The following KNOP1 variants were observed in gnomAD, a reference collection of about 807,000 sequenced individuals.
KNOP1 encodes the protein lysine rich nucleolar protein 1, also known as lysine-rich nucleolar protein 1.
A neutral mutation model predicts 30.6 loss-of-function variants in KNOP1; 20 were observed. The ratio of observed to expected loss-of-function variants is 0.65; its 90% CI spans 0.46 to 0.95. KNOP1 has a LOEUF of 0.95. Ranked by LOEUF, KNOP1 falls within the 40% of genes least tolerant of loss-of-function variation. The pLI, the probability that KNOP1 is intolerant of heterozygous loss-of-function variation, is 0.00. For missense variants in KNOP1, 540 were observed against 562.0 expected, an observed-to-expected ratio of 0.96 and a Z score of 0.40; for synonymous variants, 204 against 210.0, an observed-to-expected ratio of 0.97 and a Z score of 0.25.
rs1333288253 is a variant in KNOP1, at chr16:19,715,014, CT to C, written c.21del (p.Val8Ter). 5 of 1,571,666 alleles carry C rather than the reference CT, an allele frequency of 3.2e-6. No homozygotes were observed. Among genetic ancestry groups the C allele is most frequent in the Non-Finnish European group, 4.3e-6 (5 of 1,164,712 alleles). MITKTH[K>X]VDLGLPEKKK... is the part of the protein sequence containing the mutation. ...TTCTTCTCTGGGAGCCCAAGGTCTA[CT>C]TTGTGTGTCTTGGTGATCATTCCTG... On this transcript the variant is annotated frameshift_variant, in exon 2 of 5. Transcript: ENST00000219837. LOFTEE classifies it high-confidence loss of function.
rs1976256518 is a variant in KNOP1 at position 19,703,817 on chromosome 16, T to C, written c.*3093A>G. The C allele has an allele frequency of 6.6e-6, 1 of 152,172 alleles. No individual in the cohort carries two copies. Among genetic ancestry groups the C allele is most frequent in the Admixed American group, 6.5e-5 (1 of 15,276 alleles). The allele number at this position is 152,172 out of a possible 1,614,324, so 9.4% of individuals were successfully genotyped here. A position where few individuals can be genotyped will look rare whatever the true frequency, so the allele number is the denominator to read the frequency against. On this transcript the variant is annotated 3_prime_UTR_variant, in exon 5 of 5. Coordinates refer to ENST00000219837, the MANE Select transcript of KNOP1 (RefSeq NM_001012991.3). ...AGTCCATTCTGAAGACACCCAGCAT[T>C]GTGGTGTCTTGGCTGCCCAACCTCC... is the stretch of plus-strand genomic sequence containing the variant.
At position 19,715,057 on chromosome 16, in the gene KNOP1, A is replaced by G. The variant is rs375762051; in HGVS notation, c.-2-20T>C. ...TCATTCCTGAAAAAACAAATGGTAC[A>G]AGTTATCCCATACCAAGCCATCCTG... On this transcript the variant is annotated intron_variant, in intron 1 of 4. Transcript: ENST00000219837. The G allele has an allele frequency of 1.7e-5, 25 of 1,512,546 alleles. No homozygotes were observed. Among genetic ancestry groups the G allele is most frequent in the Middle Eastern group, 1.8e-4 (1 of 5,666 alleles). 93.7% of individuals were successfully genotyped at this position (1,512,546 alleles called of 1,614,324 possible). A position where few individuals can be genotyped will look rare whatever the true frequency, so the allele number is the denominator to read the frequency against.
intron 4 of KNOP1, among the ~76,000 whole-genome samples, chr16:19,709,692 C>G (rs145886273): frequency 6.7e-6 from 1 of 149,752 alleles, no homozygotes; most frequent in Non-Finnish European, 1.5e-5. Flanking sequence ...CTCACTGAAA[C>G]GCTCTTCCCC....
At position 19,706,797 on chromosome 16, in the gene KNOP1, G is replaced by A; in HGVS notation, c.*113C>T. Reference sequence around the variant, plus strand: ...TTATGGGAGTTATTTATATCTTACTGCTCGAGGTCCTCACCAAGATCTGAT... The same window carrying A: ...TTATGGGAGTTATTTATATCTTACTACTCGAGGTCCTCACCAAGATCTGAT... On this transcript the variant is annotated 3_prime_UTR_variant, in exon 5 of 5. Transcript: ENST00000219837. 1.9e-6 allele frequency: 2 copies of A among 1,079,148 alleles called. No homozygotes were observed. The highest frequency in any genetic ancestry group is 2.7e-6 in the Non-Finnish European group (2 of 727,896). 66.8% of individuals were successfully genotyped at this position (1,079,148 alleles called of 1,614,324 possible). A position where few individuals can be genotyped will look rare whatever the true frequency, so the allele number is the denominator to read the frequency against.
rs537666007 is a variant in KNOP1, at chr16:19,711,232, G to A, written c.987+140C>T. The A allele has an allele frequency of 2.8e-4, 224 of 788,310 alleles. 3 individuals carry two copies. In the South Asian group the frequency reaches 3.2e-3, roughly 11 times the overall value. 48.8% of individuals were successfully genotyped at this position (788,310 alleles called of 1,614,324 possible). A position where few individuals can be genotyped will look rare whatever the true frequency, so the allele number is the denominator to read the frequency against. On this transcript the variant is annotated intron_variant, in intron 3 of 4. Transcript: ENST00000219837. Reference sequence around the variant, plus strand: ...CGCATTCCCGGCCCGGGAGGTGTGCGTTGGCAGCTGGCCCAGTGGCCTCTG... The same window carrying A: ...CGCATTCCCGGCCCGGGAGGTGTGCATTGGCAGCTGGCCCAGTGGCCTCTG...
At chr16:19,718,060 G>T in intron 1 of KNOP1, 98 bp downstream of exon 1, 1 of 1,417,864 alleles carries the variant, frequency 7.1e-7, no homozygotes, top group South Asian at 1.5e-5. Context: ...TCAGGGATGT[G>T]GGTGGACCGC....
intron 2 of KNOP1, 139 bp from the exon 3 acceptor site, chr16:19,711,579 A>C: frequency 1.4e-6 from 1 of 739,784 alleles, no homozygotes; most frequent in South Asian, 1.6e-5. Flanking sequence ...TGCCACCTAG[A>C]AACATCTCAG....
At chr16:19,710,035 T>A (rs1976626894) in intron 4 of KNOP1, among the ~76,000 whole-genome samples, 1 of 152,052 alleles carries the variant, frequency 6.6e-6, no homozygotes, top group African/African-American at 2.4e-5. Context: ...CTCATGATCC[T>A]CGCACCCTCC....
At chr16:19,708,930 C>T (rs938468043) in intron 4 of KNOP1, among the ~76,000 whole-genome samples, 6 of 152,186 alleles carry the variant, frequency 3.9e-5, no homozygotes, top group Non-Finnish European at 8.8e-5. Context: ...CACTTCACCA[C>T]GTCTCAGTGG....
In KNOP1 at chr16:19,706,778, G is replaced by C. The variant is rs140568697; in HGVS notation, c.*132C>G. The C allele has an allele frequency of 2.3e-6, 2 of 879,626 alleles. No homozygotes were observed. The highest frequency in any genetic ancestry group is 3.4e-5 in the African/African-American group (2 of 59,504). 54.5% of individuals were successfully genotyped at this position (879,626 alleles called of 1,614,324 possible). Reference sequence around the variant, plus strand: ...CATTACTGGAACGCTAAGCTTATGGGAGTTATTTATATCTTACTGCTCGAG... The same window carrying C: ...CATTACTGGAACGCTAAGCTTATGGCAGTTATTTATATCTTACTGCTCGAG... On this transcript the variant is annotated 3_prime_UTR_variant, in exon 5 of 5. Transcript: ENST00000219837.
chr16:19,710,211 G>C (rs1281585088), intron 4 of KNOP1: 1 of 466,154 alleles, frequency 2.1e-6, no homozygotes, highest in Non-Finnish European at 3.9e-6. Flanking sequence ...GAGCTCGCTG[G>C]AATGTGTCCT....
intron 1 of KNOP1, among the ~76,000 whole-genome samples, chr16:19,715,794 G>A (rs1977026232): frequency 6.6e-6 from 1 of 152,052 alleles, no homozygotes; most frequent in Non-Finnish European, 1.5e-5. Flanking sequence ...AGTACTGAGG[G>A]CACCCAGCTT....
rs973564220 is a variant in KNOP1, at chr16:19,705,999, C to G, written c.*911G>C. ...TCCAGTCAAAGCACAAAAATCCTAC[C>G]TCAGCACTTAGGGCCGAAGGGACAC... On this transcript the variant is annotated 3_prime_UTR_variant, in exon 5 of 5. Transcript: ENST00000219837. 6.6e-6 allele frequency: 1 copy of G among 152,254 alleles called. No homozygotes were observed. The highest frequency in any genetic ancestry group is 1.5e-5 in the Non-Finnish European group (1 of 68,116). 9.4% of individuals were successfully genotyped at this position (152,254 alleles called of 1,614,324 possible).
In KNOP1 at chr16:19,713,509, C is replaced by G. The variant is rs1976826023; in HGVS notation, c.918+609G>C. Among the ~76,000 whole-genome samples, 2 of 152,250 alleles carry G rather than the reference C, an allele frequency of 1.3e-5. 1 individual carries two copies. The highest frequency in any genetic ancestry group is 4.1e-4 in the South Asian group (2 of 4,822). ...GCCACCCTTCTTCCTTTGGGGGTGG[C>G]TGAACTGCTGGGATGAAAGCCTAGA... On this transcript the variant is annotated intron_variant, in intron 2 of 4. Coordinates refer to ENST00000219837, the MANE Select transcript of KNOP1 (RefSeq NM_001012991.3).
rs138090606 is a variant in KNOP1 at position 19,711,517 on chromosome 16, G to C, written c.919-77C>G. 479 of 1,431,966 alleles carry C rather than the reference G, an allele frequency of 3.3e-4. 2 individuals carry two copies. In the East Asian group the frequency reaches 0.01, roughly 31 times the overall value. The allele number at this position is 1,431,966 out of a possible 1,614,324, so 88.7% of individuals were successfully genotyped here. On this transcript the variant is annotated intron_variant, in intron 2 of 4. Transcript: ENST00000219837. ...CTGCCTCTGCACCCAGCCAGGGTGA[G>C]ACCATGACAAAGTCCAGAAAAGACC...
At position 19,714,222 on chromosome 16, in the gene KNOP1, A is replaced by G; in HGVS notation, c.814T>C (p.Ser272Pro). ...ACTGGCTGCTCTACCTTCTTTTTGG[A>G]CTTCATCTTTTTCTTTGCGGAGGCC... ...PKASAKKKMK[S>P]KKKVEQPVIE... The change falls in exon 2 of 5, where the codon TCC (serine) becomes CCC (proline). Residue 272 changes from serine (S) to proline (P), a missense_variant. Physicochemically the swap from Ser to Pro is moderately conservative, Grantham distance 74. Coordinates refer to ENST00000219837, the MANE Select transcript of KNOP1 (RefSeq NM_001012991.3). 6.2e-7 allele frequency: 1 copy of G among 1,612,350 alleles called. No individual in the cohort carries two copies.
Position 19,705,501 on chromosome 16 carries a change from C to T in KNOP1, c.*1409G>A, listed in dbSNP as rs1976320358. 3.2e-6 allele frequency: 1 copy of T among 309,484 alleles called. No individual in the cohort carries two copies. The highest frequency in any genetic ancestry group is 2.8e-5 in the South Asian group (1 of 35,712). The allele number at this position is 309,484 out of a possible 1,614,324, so 19.2% of individuals were successfully genotyped here. Reference sequence around the variant, plus strand: ...CCCCACAGCCGATGAGGCAACTTCCCGTGTCATCTCCACACGTTCATCTCC... The same window carrying T: ...CCCCACAGCCGATGAGGCAACTTCCTGTGTCATCTCCACACGTTCATCTCC... On this transcript the variant is annotated 3_prime_UTR_variant, in exon 5 of 5. Transcript: ENST00000219837.
In KNOP1 at chr16:19,714,249, T is replaced by C. The variant is rs1976870207; in HGVS notation, c.787A>G (p.Lys263Glu). 2 of 1,614,030 alleles carry C rather than the reference T, an allele frequency of 1.2e-6. No individual in the cohort carries two copies. Among genetic ancestry groups the C allele is most frequent in the Non-Finnish European group, 1.7e-6 (2 of 1,180,030 alleles). ...TTCATCTTTTTCTTTGCGGAGGCCT[T>C]AGGGTCATCACTTATGGGGATGTAT... ...PEYIPISDDP[K>E]ASAKKKMKSK... The change falls in exon 2 of 5, where the codon AAG becomes GAG. Residue 263 changes from lysine to glutamate, a missense_variant. Lys to Glu is a moderately conservative substitution (Grantham distance 56). Coordinates refer to ENST00000219837, the MANE Select transcript of KNOP1 (RefSeq NM_001012991.3).
chr16:19,713,600 T>C (rs115209900), intron 2 of KNOP1, among the ~76,000 whole-genome samples: 1,817 of 152,104 alleles, frequency 0.012, 42 homozygotes, highest in African/African-American at 0.041. Context: ...TAAACCAAGA[T>C]AGAAAAATAC....
Sources: allele counts gnomAD v4.1 joint callset (sites outside exome capture counted in the v4.1 genomes callset), GRCh38; gene constraint gnomAD v4.1.1; transcripts MANE v1.5; gene names NCBI Gene and HGNC (gene_info 2026-07-23, HGNC 2026-07-21).